Variants in IMMP2L observed in about 807,000 individuals in gnomAD.
IMMP2L encodes inner mitochondrial membrane peptidase subunit 2.
IMMP2L carries 18 observed loss-of-function variants against 19.3 expected under a neutral mutation model. The observed-to-expected ratio is 0.93, with a 90% CI of 0.64 to 1.38. The LOEUF (loss-of-function observed/expected upper bound fraction) is 1.38, where lower values mean the gene tolerates loss of function less well. Ranked by LOEUF, IMMP2L falls within the 40% of genes most tolerant of loss-of-function variation. The pLI is 0.00. For synonymous variants in IMMP2L, 76 were observed against 73.0 expected (o/e 1.04, Z -0.21); for missense variants, 233 against 218.2 (o/e 1.07, Z -0.43).
intron 5 of IMMP2L, among the ~76,000 whole-genome samples, chr7:110,705,916 A>G (rs10215959): frequency 0.05 from 7,604 of 152,126 alleles, 665 homozygotes; most frequent in African/African-American, 0.17. Context: ...ATGGCTGCGT[A>G]GTATTCCATG....
At chr7:110,935,249 C>T (rs1487528902) in intron 4 of IMMP2L, among the ~76,000 whole-genome samples, 1 of 152,048 alleles carries the variant, frequency 6.6e-6, no homozygotes, top group African/African-American at 2.4e-5. Context: ...TTCTCTTTTG[C>T]TTATGAAGCT....
intron 3 of IMMP2L, among the ~76,000 whole-genome samples, chr7:111,250,741 A>G (rs1816009146): frequency 6.6e-6 from 1 of 152,162 alleles, no homozygotes; most frequent in South Asian, 2.1e-4. Flanking sequence ...TATACCTTAT[A>G]CAAAAGGTAA....
intron 3 of IMMP2L, among the ~76,000 whole-genome samples, chr7:111,461,596 G>A (rs1840142149): frequency 6.6e-6 from 1 of 151,834 alleles, no homozygotes; most frequent in Admixed American, 6.6e-5. Context: ...ATTGACTTTG[G>A]CATGTCTCTG....
At chr7:110,940,376 A>T (rs1816609084) in intron 4 of IMMP2L, among the ~76,000 whole-genome samples, 1 of 152,098 alleles carries the variant, frequency 6.6e-6, no homozygotes, top group African/African-American at 2.4e-5. Flanking sequence ...AAATAAAAAC[A>T]ATTCCAAATA....
intron 5 of IMMP2L, among the ~76,000 whole-genome samples, chr7:110,712,280 C>T (rs1794926408): frequency 1.2e-5 from 1 of 84,680 alleles, no homozygotes; most frequent in African/African-American, 4.7e-5. Context: ...TGTGAGGTGT[C>T]AGTGTGCCCC....
At chr7:110,823,361 T>C (rs1803202320) in intron 5 of IMMP2L, among the ~76,000 whole-genome samples, 1 of 152,054 alleles carries the variant, frequency 6.6e-6, no homozygotes. Flanking sequence ...TATGTTGATG[T>C]GATTACATTA....
intron 3 of IMMP2L, among the ~76,000 whole-genome samples, chr7:111,376,213 T>C (rs551038307): frequency 6.6e-6 from 1 of 151,986 alleles, no homozygotes; most frequent in African/African-American, 2.4e-5. Context: ...ATCTGACAAG[T>C]TTTTTGGTAA....
intron 3 of IMMP2L, among the ~76,000 whole-genome samples, chr7:111,362,072 ACCAG>A: frequency 6.6e-6 from 1 of 152,082 alleles, no homozygotes; most frequent in Non-Finnish European, 1.5e-5. Context: ...AAACTGTTAT[ACCAG>A]TCTTTTAAGA....
rs77913960 is a variant in IMMP2L at position 111,391,912 on chromosome 7, C to T, written c.239+95326G>A. 3,686 of 702,784 alleles carry T rather than the reference C, an allele frequency of 5.2e-3. 100 individuals are homozygous for T. In the African/African-American group the frequency reaches 0.057, roughly 11 times the overall value. 43.5% of individuals were successfully genotyped at this position (702,784 alleles called of 1,614,324 possible). On this transcript the variant is annotated intron_variant, in intron 3 of 5. Transcript: ENST00000405709. ...CTAAAGGATGACATTGAGCACTGCC[C>T]GCCTTGTCCTTGACCTCAGATATGC...
At chr7:110,671,680 C>G (rs1247717971) in intron 5 of IMMP2L, among the ~76,000 whole-genome samples, 1 of 152,084 alleles carries the variant, frequency 6.6e-6, no homozygotes. Context: ...TTTGTTCCCT[C>G]CCCTCCCTTT....
chr7:111,110,466 T>A (rs568394031), intron 3 of IMMP2L, among the ~76,000 whole-genome samples: 1 of 152,308 alleles, frequency 6.6e-6, no homozygotes, highest in Non-Finnish European at 1.5e-5. Flanking sequence ...ATAGATTATA[T>A]CTTACTAACC....
intron 5 of IMMP2L, among the ~76,000 whole-genome samples, chr7:110,788,692 T>G (rs1800255626): frequency 6.6e-6 from 1 of 151,610 alleles, no homozygotes; most frequent in South Asian, 2.1e-4. Context: ...AAAATCGAAT[T>G]AATTTTGCGC....
intron 2 of IMMP2L, among the ~76,000 whole-genome samples, chr7:111,505,911 G>T (rs1844849807): frequency 6.6e-6 from 1 of 152,056 alleles, no homozygotes; most frequent in Admixed American, 6.5e-5. Flanking sequence ...CATGGCACAT[G>T]TATACATATG....
At chr7:110,962,802 G>A (rs1440592891) in intron 4 of IMMP2L, 5 of 1,185,174 alleles carry the variant, frequency 4.2e-6, no homozygotes, top group Non-Finnish European at 5.2e-6. Context: ...AGAAAACAGG[G>A]TCAGAAAACT....
chr7:111,328,648 A>C (rs1156315862), intron 3 of IMMP2L, among the ~76,000 whole-genome samples: 1 of 151,822 alleles, frequency 6.6e-6, no homozygotes, highest in Non-Finnish European at 1.5e-5. Context: ...GTGTAGAATA[A>C]ATGCTCATGC....
At chr7:110,813,608 G>A (rs1802208877) in intron 5 of IMMP2L, among the ~76,000 whole-genome samples, 2 of 151,678 alleles carry the variant, frequency 1.3e-5, no homozygotes, top group South Asian at 2.1e-4. Context: ...TTTCTAACAC[G>A]CCTGGCCTAA....
intron 5 of IMMP2L, among the ~76,000 whole-genome samples, chr7:110,774,925 C>T (rs1245106939): frequency 6.6e-6 from 1 of 151,928 alleles, no homozygotes; most frequent in Non-Finnish European, 1.5e-5. Flanking sequence ...AAACAAAACT[C>T]CTTAGTGTAA....
At chr7:111,159,416 A>C (rs1213673869) in intron 3 of IMMP2L, among the ~76,000 whole-genome samples, 1 of 152,064 alleles carries the variant, frequency 6.6e-6, no homozygotes, top group Non-Finnish European at 1.5e-5. Context: ...GCCTGTCCTC[A>C]GGTCGATGCT....
At chr7:111,423,597 C>T (rs1205307482) in intron 3 of IMMP2L, among the ~76,000 whole-genome samples, 2 of 151,680 alleles carry the variant, frequency 1.3e-5, no homozygotes, top group Non-Finnish European at 2.9e-5. Context: ...CTATTTGATT[C>T]TTCTCTCTTT....
Sources: gnomAD v4.1 joint callset for allele counts (sites outside exome capture counted in the v4.1 genomes callset) on GRCh38, gnomAD v4.1.1 for gene constraint, MANE v1.5 for transcripts, NCBI Gene and HGNC (gene_info 2026-07-23, HGNC 2026-07-21) for gene names.